TUBA1C: variants seen among roughly 807,000 people sequenced by gnomAD.
TUBA1C encodes tubulin alpha 1c.
A neutral mutation model predicts 34.9 loss-of-function variants in TUBA1C; 16 were observed. The observed-to-expected ratio is 0.46, with a 90% CI of 0.31 to 0.70. TUBA1C has a LOEUF of 0.70. Among genes scored for constraint, TUBA1C ranks in the 30% least tolerant of loss-of-function variants. The pLI, the probability that TUBA1C is intolerant of heterozygous loss-of-function variation, is 0.05. For missense variants in TUBA1C, 329 were observed against 587.3 expected (o/e 0.56, Z 4.55); for synonymous variants, 177 against 215.9 (o/e 0.82, Z 1.58).
At chr12:49,238,556 A>G (rs1006029704) in intron 1 of TUBA1C, among the ~76,000 whole-genome samples, 3 of 151,960 alleles carry the variant, frequency 2.0e-5, no homozygotes, top group African/African-American at 7.3e-5. Flanking sequence ...GGTTCCCACA[A>G]CCTCCTCCTT....
chr12:49,264,470 G>A (rs960649873), upstream of TUBA1C, among the ~76,000 whole-genome samples: 3 of 152,118 alleles, frequency 2.0e-5, no homozygotes, highest in Admixed American at 6.5e-5. Context: ...TCAGCGGCGA[G>A]GGGAGCGGGC....
chr12:49,262,196 CT>C (rs1216013451), upstream of TUBA1C, among the ~76,000 whole-genome samples: 1 of 150,768 alleles, frequency 6.6e-6, no homozygotes, highest in Non-Finnish European at 1.5e-5. Flanking sequence ...AGGAGGATTG[CT>C]TGAGCCTAGG....
chr12:49,238,157 C>G (rs1393226438), intron 1 of TUBA1C, among the ~76,000 whole-genome samples: 1 of 151,608 alleles, frequency 6.6e-6, no homozygotes, highest in Non-Finnish European at 1.5e-5. Context: ...TGAACTGTAT[C>G]AGAAAACTAG....
At chr12:49,240,290 T>G (rs1471424097) in intron 1 of TUBA1C, among the ~76,000 whole-genome samples, 1 of 146,306 alleles carries the variant, frequency 6.8e-6, no homozygotes, top group Non-Finnish European at 1.5e-5. Context: ...TATGTGACCA[T>G]TCTCTGAAAA....
At chr12:49,255,702 A>T (rs572616667) in intron 1 of TUBA1C, among the ~76,000 whole-genome samples, 3 of 152,168 alleles carry the variant, frequency 2.0e-5, no homozygotes, top group Admixed American at 1.3e-4. Flanking sequence ...AGTAGCTGGG[A>T]TTACAGGCGT....
chr12:49,267,666 A>G (rs1942933298), intron 1 of TUBA1C, among the ~76,000 whole-genome samples: 1 of 152,170 alleles, frequency 6.6e-6, no homozygotes, highest in South Asian at 2.1e-4. Flanking sequence ...TGCAATGGTA[A>G]ATAGTCATGG....
chr12:49,250,472 C>T (rs557632429), intron 1 of TUBA1C, among the ~76,000 whole-genome samples: 11 of 142,252 alleles, frequency 7.7e-5, no homozygotes, highest in South Asian at 4.4e-4. Flanking sequence ...TGCAGTGAGC[C>T]GAGATCGCGC....
At chr12:49,268,401 A>G (rs1161372923) in intron 1 of TUBA1C, among the ~76,000 whole-genome samples, 1 of 149,424 alleles carries the variant, frequency 6.7e-6, no homozygotes, top group Non-Finnish European at 1.5e-5. Flanking sequence ...GCTCTACCAT[A>G]ATTTTTTTTT....
rs372810412 is a variant in TUBA1C, at chr12:49,272,765, T to C, written c.888T>C (p.Phe296=). ...LTVAEITNAC[F]EPANQMVKCD... ...TAGCAGAGATCACCAATGCTTGCTTTGAGCCAGCCAACCAGATGGTGAAAT... is the reference window on the plus strand; with the variant it reads ...TAGCAGAGATCACCAATGCTTGCTTCGAGCCAGCCAACCAGATGGTGAAAT... The change falls in exon 4 of 4, where the codon TTT becomes TTC. Residue 296 remains phenylalanine, a synonymous_variant. Coordinates refer to ENST00000301072, the MANE Select transcript of TUBA1C (RefSeq NM_032704.5). 70 of 1,613,812 alleles carry C rather than the reference T, an allele frequency of 4.3e-5. No homozygotes were observed. Among genetic ancestry groups the C allele is most frequent in the Non-Finnish European group, 5.7e-5 (67 of 1,180,008 alleles).
At chr12:49,233,492 G>A (rs1942518029) in intron 1 of TUBA1C, 1 of 152,168 alleles carries the variant, frequency 6.6e-6, no homozygotes, top group Non-Finnish European at 1.5e-5. Flanking sequence ...TCAGGACTTG[G>A]GGGCCCAACA....
chr12:49,229,438 G>C lies in TUBA1C; in HGVS notation c.213+1272G>C, dbSNP rs557959792. 3.3e-5 allele frequency among the ~76,000 whole-genome samples: 5 copies of C among 152,298 alleles called. No individual in the cohort carries two copies. The South Asian group carries it at 8.3e-4, about 25-fold the overall frequency. Reference sequence around the variant, plus strand: ...TCCGCCCGCCTTGGCCTCCCAAAGTGCTGGCATTACAGGCGTGAGCCACCA... The same window carrying C: ...TCCGCCCGCCTTGGCCTCCCAAAGTCCTGGCATTACAGGCGTGAGCCACCA... On this transcript the variant is annotated intron_variant, in intron 1 of 3. Coordinates refer to the TUBA1C transcript ENST00000541364.
chr12:49,256,166 C>T (rs1288376277), intron 1 of TUBA1C, among the ~76,000 whole-genome samples: 1 of 152,218 alleles, frequency 6.6e-6, no homozygotes, highest in Non-Finnish European at 1.5e-5. Flanking sequence ...GCCCTCCTGG[C>T]CTTGACCAAA....
chr12:49,267,087 C>T (rs1175205517), intron 1 of TUBA1C, among the ~76,000 whole-genome samples: 2 of 152,164 alleles, frequency 1.3e-5, no homozygotes, highest in Non-Finnish European at 2.9e-5. Context: ...CCAATTGACT[C>T]CACCTGTGCC....
At chr12:49,241,495 A>G (rs1174095205) in intron 1 of TUBA1C, among the ~76,000 whole-genome samples, 2 of 152,156 alleles carry the variant, frequency 1.3e-5, no homozygotes, top group African/African-American at 4.8e-5. Context: ...AGGAGGTAAG[A>G]TGGGGTGATT....
At chr12:49,253,468 G>A (rs1053376616) in intron 1 of TUBA1C, among the ~76,000 whole-genome samples, 2 of 152,060 alleles carry the variant, frequency 1.3e-5, no homozygotes, top group African/African-American at 2.4e-5. Flanking sequence ...GAGCTAAAAA[G>A]TGGGAGGTTG....
At chr12:49,257,460 A>G (rs1109811) in intron 1 of TUBA1C, among the ~76,000 whole-genome samples, 2,560 of 152,206 alleles carry the variant, frequency 0.017, 77 homozygotes, top group African/African-American at 0.058. Flanking sequence ...GAATGGGGGC[A>G]GGAAGAGGCA....
At chr12:49,232,509 A>G (rs1942508054) in intron 1 of TUBA1C, among the ~76,000 whole-genome samples, 2 of 152,216 alleles carry the variant, frequency 1.3e-5, no homozygotes, top group African/African-American at 4.8e-5. Flanking sequence ...TACAGAAGTC[A>G]GGCACCCTTT....
At chr12:49,272,182 G>A (rs1388770221) in intron 3 of TUBA1C, 71 bp from the exon 4 acceptor site, 3 of 1,537,116 alleles carry the variant, frequency 2.0e-6, no homozygotes, top group Non-Finnish European at 1.7e-6. Context: ...GAAGTCCTCT[G>A]TAGGTTTCAC....
At chr12:49,243,804 A>G (rs1457110410) in intron 1 of TUBA1C, among the ~76,000 whole-genome samples, 1 of 152,038 alleles carries the variant, frequency 6.6e-6, no homozygotes, top group African/African-American at 2.4e-5. Context: ...GAAAGGGTAC[A>G]TTTGGTGGTT....
Sources: gnomAD v4.1 joint callset for allele counts (sites outside exome capture counted in the v4.1 genomes callset) on GRCh38, gnomAD v4.1.1 for gene constraint, MANE v1.5 for transcripts, NCBI Gene and HGNC (gene_info 2026-07-23, HGNC 2026-07-21) for gene names.